Variants in ECPAS observed in about 807,000 individuals in gnomAD.
ECPAS encodes proteasome adapter and scaffold protein ECM29.
ECPAS carries 70 observed loss-of-function variants against 255.1 expected under a neutral mutation model. The ratio of observed to expected loss-of-function variants is 0.27; its 90% CI spans 0.23 to 0.33. The LOEUF (loss-of-function observed/expected upper bound fraction) is 0.33, where lower values mean the gene tolerates loss of function less well. Ranked by LOEUF, ECPAS falls within the 10% of genes least tolerant of loss-of-function variation. The pLI is 1.00. For missense variants in ECPAS, 1,817 were observed against 2,206.4 expected (o/e 0.82, Z 3.54); for synonymous variants, 784 against 775.0 (o/e 1.01, Z -0.19).
chr9:111,439,110 T>G (rs926603616), intron 6 of ECPAS, among the ~76,000 whole-genome samples: 2 of 152,216 alleles, frequency 1.3e-5, no homozygotes, highest in African/African-American at 4.8e-5. Flanking sequence ...GAGATGGAAA[T>G]GTCTACAATG....
Position 111,433,314 on chromosome 9 carries a change from A to G in ECPAS, c.767T>C (p.Val256Ala). 1 of 1,614,052 alleles carries G rather than the reference A, an allele frequency of 6.2e-7. No individual in the cohort carries two copies. Among genetic ancestry groups the G allele is most frequent in the Non-Finnish European group, 8.5e-7 (1 of 1,179,874 alleles). The change falls in exon 8 of 50, where the codon GTT becomes GCT. Residue 256 changes from valine (V) to alanine (A), a missense_variant. Coordinates refer to ENST00000684092, the MANE Select transcript of ECPAS (RefSeq NM_001364929.1). ...ACTAGAGGCAATCACCAAGTGGAGA[A>G]CAGCTTCAAGTTCAGGCACCTGTTC... Reference protein sequence around the residue: ...EAEQVPELEAVLHLVIASSDT... With the variant: ...EAEQVPELEAALHLVIASSDT...
intron 1 of ECPAS, chr9:111,483,535 C>A (rs1302761254): frequency 1.0e-6 from 1 of 976,992 alleles, no homozygotes; most frequent in Non-Finnish European, 1.2e-6. Flanking sequence ...AGGCGGCGGC[C>A]GCAGCCATGT....
At chr9:111,483,941 G>C in intron 1 of ECPAS, 175 bp downstream of exon 1, 7 of 911,818 alleles carry the variant, frequency 7.7e-6, no homozygotes, top group South Asian at 4.8e-5. Flanking sequence ...CGGGCCCCTC[G>C]CGCGCCCGCC....
intron 5 of ECPAS, among the ~76,000 whole-genome samples, chr9:111,441,199 TA>T (rs796076635): frequency 3.3e-4 from 46 of 141,000 alleles, no homozygotes; most frequent in African/African-American, 5.2e-4. Context: ...AAATAAAAAT[TA>T]AAAAAAAAAA....
chr9:111,397,628 T>C (rs1484052691), intron 24 of ECPAS, among the ~76,000 whole-genome samples: 1 of 152,216 alleles, frequency 6.6e-6, no homozygotes, highest in Non-Finnish European at 1.5e-5. Context: ...TTAATGTACA[T>C]AAAACTATTA....
intron 6 of ECPAS, among the ~76,000 whole-genome samples, chr9:111,437,808 A>T (rs1215158188): frequency 6.6e-6 from 1 of 152,194 alleles, no homozygotes; most frequent in African/African-American, 2.4e-5. Flanking sequence ...TAAGACCTCT[A>T]AGAAATTCAT....
Position 111,372,629 on chromosome 9 carries a change from G to A in ECPAS, c.4337-9C>T, listed in dbSNP as rs370358245. Reference sequence around the variant, plus strand: ...GGTCTTGTAGATAGGTTCTGAAAAGGAGAAACCAAAATCTTTACGATATTT... The same window carrying A: ...GGTCTTGTAGATAGGTTCTGAAAAGAAGAAACCAAAATCTTTACGATATTT... On this transcript the variant is annotated splice_polypyrimidine_tract_variant and intron_variant, in intron 41 of 49. Coordinates refer to ENST00000684092, the MANE Select transcript of ECPAS (RefSeq NM_001364929.1). 1.1e-5 allele frequency: 18 copies of A among 1,593,672 alleles called. No homozygotes were observed. In the African/African-American group the frequency reaches 1.6e-4, roughly 14 times the overall value.
chr9:111,473,931 T>C (rs548296784), intron 1 of ECPAS, among the ~76,000 whole-genome samples: 13 of 152,192 alleles, frequency 8.5e-5, no homozygotes, highest in African/African-American at 3.1e-4. Flanking sequence ...CACACCACTG[T>C]ACTTCAGCCT....
At chr9:111,467,040 A>G (rs943517399) in intron 2 of ECPAS, among the ~76,000 whole-genome samples, 1 of 152,242 alleles carries the variant, frequency 6.6e-6, no homozygotes, top group Admixed American at 6.5e-5. Context: ...AGGTTTAAAG[A>G]CTTCAGCACA....
At chr9:111,389,897 A>T (rs1359076955) in intron 30 of ECPAS, 87 bp downstream of exon 30, 2 of 1,137,458 alleles carry the variant, frequency 1.8e-6, no homozygotes, top group Admixed American at 4.2e-5. Context: ...CACAAAATGC[A>T]CTACATACCA....
At chr9:111,460,484 G>C (rs1275581109) in intron 2 of ECPAS, among the ~76,000 whole-genome samples, 1 of 151,952 alleles carries the variant, frequency 6.6e-6, no homozygotes, top group Non-Finnish European at 1.5e-5. Flanking sequence ...ATTTTATTCA[G>C]AGCAATAAGA....
At chr9:111,448,122 T>C (rs998820886) in intron 3 of ECPAS, among the ~76,000 whole-genome samples, 1 of 152,178 alleles carries the variant, frequency 6.6e-6, no homozygotes, top group Non-Finnish European at 1.5e-5. Context: ...CATGCATGTA[T>C]CAAAATATCA....
chr9:111,480,292 CTTTTTT>C (rs398011866), intron 1 of ECPAS, among the ~76,000 whole-genome samples: 9 of 63,636 alleles, frequency 1.4e-4, no homozygotes, highest in Admixed American at 2.4e-4. Flanking sequence ...AGCACCTTTT[CTTTTTT>C]TTTTTTTTTT....
At chr9:111,396,685 G>A (rs1177967941) in intron 25 of ECPAS, among the ~76,000 whole-genome samples, 1 of 152,140 alleles carries the variant, frequency 6.6e-6, no homozygotes, top group Non-Finnish European at 1.5e-5. Context: ...CCGAGTAGCT[G>A]GGATTACAGG....
At chr9:111,424,054 G>C (rs1264184937) in intron 12 of ECPAS, among the ~76,000 whole-genome samples, 3 of 152,068 alleles carry the variant, frequency 2.0e-5, no homozygotes, top group Non-Finnish European at 4.4e-5. Context: ...CTCCCCAAGA[G>C]CCCCAGAACA....
chr9:111,367,190 CAACG>C (rs1257248695), intron 46 of ECPAS, among the ~76,000 whole-genome samples: 1 of 152,270 alleles, frequency 6.6e-6, no homozygotes, highest in African/African-American at 2.4e-5. Flanking sequence ...GAAAACTCAA[CAACG>C]AAGTTATTTT....
chr9:111,366,708 G>T, intron 46 of ECPAS, 81 bp from the exon 47 acceptor site: 1 of 844,578 alleles, frequency 1.2e-6, no homozygotes, highest in Non-Finnish European at 2.0e-6. Flanking sequence ...GACAGGCAGA[G>T]AGAGCAAGAG....
chr9:111,368,865 C>G (rs564264769), intron 46 of ECPAS, among the ~76,000 whole-genome samples, 170 bp downstream of exon 46: 4 of 152,230 alleles, frequency 2.6e-5, no homozygotes, highest in Non-Finnish European at 5.9e-5. Context: ...GTACAATGAT[C>G]AGTGAGATCA....
At chr9:111,478,232 C>CAAA (rs903487845) in intron 1 of ECPAS, among the ~76,000 whole-genome samples, 2 of 149,286 alleles carry the variant, frequency 1.3e-5, no homozygotes, top group African/African-American at 2.5e-5. Flanking sequence ...TGGTATTACT[C>CAAA]AAAAAAAATA....
Sources: gnomAD v4.1 joint callset for allele counts (sites outside exome capture counted in the v4.1 genomes callset) on GRCh38, gnomAD v4.1.1 for gene constraint, MANE v1.5 for transcripts, NCBI Gene and HGNC (gene_info 2026-07-23, HGNC 2026-07-21) for gene names.